The following BIRC6 variants were observed in gnomAD, a reference collection of about 807,000 sequenced individuals.
The protein encoded by BIRC6 is dual E2 ubiquitin-conjugating enzyme/E3 ubiquitin-protein ligase BIRC6.
In BIRC6, 98 loss-of-function variants were observed where a neutral mutation model predicts 503.3. The ratio of observed to expected loss-of-function variants is 0.19; its 90% CI spans 0.17 to 0.23. The LOEUF is 0.23. BIRC6 is among the 10% of genes least tolerant of loss of function. The probability of loss-of-function intolerance (pLI) is 1.00; values close to 1 mark genes in which losing one functional copy is unlikely to be tolerated. For synonymous variants in BIRC6, 2,240 were observed against 2,078.7 expected, an observed-to-expected ratio of 1.08 and a Z score of -2.11; for missense variants, 5,360 against 5,806.0, an observed-to-expected ratio of 0.92 and a Z score of 2.50.
chr2:32,606,484 T>C (rs2062463717), intron 71 of BIRC6, among the ~76,000 whole-genome samples: 2 of 151,968 alleles, frequency 1.3e-5, no homozygotes, highest in South Asian at 4.2e-4. Context: ...TCCTAGCTAC[T>C]TGAGAGGCTG....
At chr2:32,601,437 T>A (rs988294215) in intron 70 of BIRC6, among the ~76,000 whole-genome samples, 1 of 151,978 alleles carries the variant, frequency 6.6e-6, no homozygotes, top group East Asian at 1.9e-4. Flanking sequence ...CAAAATTAGC[T>A]GGGCGTGGTG....
At position 32,524,909 on chromosome 2, in the gene BIRC6, A is replaced by C. The variant is rs1349852367; in HGVS notation, c.11645A>C (p.Lys3882Thr). The change falls in exon 58 of 74, where the codon AAA becomes ACA. Residue 3882 changes from lysine (K) to threonine (T), a missense_variant. By Grantham distance (78) the Lys-to-Thr change is moderately conservative (BLOSUM62 -1). Coordinates refer to ENST00000421745, the MANE Select transcript of BIRC6 (RefSeq NM_016252.4). ...ACAGATACTCCAAGTATCACAGCTAAATTAATTAGTGAACAAAAAGATGAC... is the reference window on the plus strand; with the variant it reads ...ACAGATACTCCAAGTATCACAGCTACATTAATTAGTGAACAAAAAGATGAC... ...RVSDTPSITA[K>T]LISEQKDDKE... is the part of the protein sequence containing the mutation. 3 of 1,500,264 alleles carry C rather than the reference A, an allele frequency of 2.0e-6. No individual in the cohort carries two copies. The highest frequency in any genetic ancestry group is 2.7e-6 in the Non-Finnish European group (3 of 1,117,238). 92.9% of individuals were successfully genotyped at this position (1,500,264 alleles called of 1,614,324 possible). A position where few individuals can be genotyped will look rare whatever the true frequency, so the allele number is the denominator to read the frequency against.
intron 50 of BIRC6, among the ~76,000 whole-genome samples, chr2:32,506,391 C>G (rs1054105450): frequency 2.0e-5 from 3 of 152,170 alleles, no homozygotes; most frequent in African/African-American, 7.2e-5. Flanking sequence ...GGCATCCACA[C>G]TCCTTAGATA....
chr2:32,483,960 C>T (rs538881227), intron 39 of BIRC6, among the ~76,000 whole-genome samples: 1 of 152,224 alleles, frequency 6.6e-6, no homozygotes, highest in East Asian at 1.9e-4. Flanking sequence ...GTTTTGTTCT[C>T]ATTGGGTTTT....
intron 3 of BIRC6, among the ~76,000 whole-genome samples, chr2:32,382,692 T>G (rs1346718993): frequency 2.6e-5 from 4 of 152,198 alleles, no homozygotes; most frequent in Admixed American, 6.5e-5. Flanking sequence ...TATTTGAACT[T>G]TCATATAACA....
At chr2:32,562,132 C>T (rs191038265) in intron 65 of BIRC6, among the ~76,000 whole-genome samples, 79 of 152,066 alleles carry the variant, frequency 5.2e-4, no homozygotes, top group African/African-American at 1.9e-3. Flanking sequence ...ATCTCTTTTT[C>T]CCCTTCTCTT....
rs4952295 is a variant in BIRC6, at chr2:32,591,748, C to G, written c.13356-2167C>G. ...TTTATTATGGCTGTAATCATAACTG[C>G]TTTCTGAAACAAGTTACTGTTGTTT... On this transcript the variant is annotated intron_variant, in intron 66 of 73. Transcript: ENST00000421745. Among the ~76,000 whole-genome samples, 13 of 152,214 alleles carry G rather than the reference C, an allele frequency of 8.5e-5. No individual in the cohort carries two copies. The East Asian group carries it at 2.5e-3, about 29-fold the overall frequency.
At chr2:32,424,660 G>A (rs190231585) in intron 10 of BIRC6, among the ~76,000 whole-genome samples, 2 of 151,912 alleles carry the variant, frequency 1.3e-5, no homozygotes, top group East Asian at 1.9e-4. Flanking sequence ...GATTAGGCAC[G>A]CACCACCACG....
At chr2:32,510,969 T>TAAGA (rs1234492636) in intron 53 of BIRC6, among the ~76,000 whole-genome samples, 11 of 152,156 alleles carry the variant, frequency 7.2e-5, no homozygotes, top group African/African-American at 2.4e-4. Flanking sequence ...CATACTGTCT[T>TAAGA]AGGTAGTACT....
At chr2:32,412,948 A>G (rs935328327) in intron 9 of BIRC6, among the ~76,000 whole-genome samples, 1 of 151,980 alleles carries the variant, frequency 6.6e-6, no homozygotes, top group Non-Finnish European at 1.5e-5. Flanking sequence ...TAATCACATT[A>G]CTTTTTTGAA....
intron 65 of BIRC6, among the ~76,000 whole-genome samples, chr2:32,567,021 A>T (rs2059580161): frequency 6.6e-6 from 1 of 152,174 alleles, no homozygotes; most frequent in Non-Finnish European, 1.5e-5. Context: ...CCCAGGCTAG[A>T]GTACAGTGGC....
At chr2:32,530,365 C>T (rs765372400) in intron 60 of BIRC6, among the ~76,000 whole-genome samples, 1 of 152,072 alleles carries the variant, frequency 6.6e-6, no homozygotes, top group Non-Finnish European at 1.5e-5. Context: ...CACCCACCAC[C>T]ATGCCTGGCT....
intron 33 of BIRC6, among the ~76,000 whole-genome samples, chr2:32,474,869 T>C (rs913561111): frequency 2.6e-5 from 4 of 152,198 alleles, no homozygotes; most frequent in Non-Finnish European, 5.9e-5. Flanking sequence ...TAGAGTTTTT[T>C]TCATCTATGG....
intron 9 of BIRC6, among the ~76,000 whole-genome samples, chr2:32,411,968 C>T (rs1216144276): frequency 2.6e-5 from 4 of 151,824 alleles, no homozygotes; most frequent in East Asian, 1.9e-4. Flanking sequence ...TTTCTGGAAA[C>T]GGGGTTTTAC....
At chr2:32,408,578 A>G (rs2041508452) in intron 9 of BIRC6, among the ~76,000 whole-genome samples, 2 of 152,014 alleles carry the variant, frequency 1.3e-5, no homozygotes, top group South Asian at 2.1e-4. Flanking sequence ...GGGTCTAAGG[A>G]TCTCAGTACA....
Position 32,529,535 on chromosome 2 carries a change from T to C in BIRC6, c.11921-116T>C, listed in dbSNP as rs995680531. The stretch of plus-strand genomic sequence containing the variant: ...TGGCTGTTGAATTTTTTAATTGTTT[T>C]GAAATTGGTTTCAGAATCAAACTCT... On this transcript the variant is annotated intron_variant, in intron 59 of 73. Transcript: ENST00000421745. 3 of 962,360 alleles carry C rather than the reference T, an allele frequency of 3.1e-6. No homozygotes were observed. The African/African-American group carries it at 5.0e-5, about 16-fold the overall frequency. The allele number at this position is 962,360 out of a possible 1,614,324, so 59.6% of individuals were successfully genotyped here.
intron 39 of BIRC6, 51 bp from the exon 40 acceptor site, chr2:32,485,592 C>A: frequency 8.3e-7 from 1 of 1,199,134 alleles, no homozygotes; most frequent in Non-Finnish European, 1.2e-6. Context: ...GGAGGTAGGA[C>A]ATGAGTAATA....
chr2:32,550,051 A>G (rs1031595416), intron 65 of BIRC6, among the ~76,000 whole-genome samples: 2 of 152,174 alleles, frequency 1.3e-5, no homozygotes, highest in African/African-American at 4.8e-5. Context: ...TTCTTTTCCT[A>G]AGAATAGAAA....
chr2:32,510,758 T>A, intron 53 of BIRC6, 124 bp downstream of exon 53: 2 of 657,788 alleles, frequency 3.0e-6, no homozygotes, highest in Non-Finnish European at 5.3e-6. Flanking sequence ...ATTGTATGTT[T>A]ACCATATGCC....
Sources: allele counts gnomAD v4.1 joint callset (sites outside exome capture counted in the v4.1 genomes callset), GRCh38; gene constraint gnomAD v4.1.1; transcripts MANE v1.5; gene names NCBI Gene and HGNC (gene_info 2026-07-23, HGNC 2026-07-21).